Variants in SLC35F3 observed in about 807,000 individuals in gnomAD.
The protein encoded by SLC35F3 is putative thiamine transporter SLC35F3.
A neutral mutation model predicts 49.9 loss-of-function variants in SLC35F3; 25 were observed. The observed-to-expected ratio is 0.50, with a 90% CI of 0.37 to 0.70. The LOEUF is 0.70. Ranked by LOEUF, SLC35F3 falls within the 30% of genes least tolerant of loss-of-function variation. The pLI, the probability that SLC35F3 is intolerant of heterozygous loss-of-function variation, is 0.00. For missense variants in SLC35F3, 525 were observed against 639.8 expected (o/e 0.82, Z 1.94); for synonymous variants, 275 against 265.4 (o/e 1.04, Z -0.35).
intron 3 of SLC35F3, among the ~76,000 whole-genome samples, chr1:234,299,379 G>A (rs1031116872): frequency 7.9e-5 from 12 of 152,062 alleles, no homozygotes; most frequent in Non-Finnish European, 1.3e-4. Flanking sequence ...GAGTAAAGGG[G>A]GAAAAACAGA....
chr1:234,302,167 T>A (rs1668703124), intron 3 of SLC35F3, among the ~76,000 whole-genome samples: 1 of 150,914 alleles, frequency 6.6e-6, no homozygotes, highest in Non-Finnish European at 1.5e-5. Flanking sequence ...TTGTTGTTGT[T>A]GTTTTTTTTA....
At chr1:234,147,053 A>G (rs1194495152) in intron 2 of SLC35F3, among the ~76,000 whole-genome samples, 1 of 152,170 alleles carries the variant, frequency 6.6e-6, no homozygotes, top group Non-Finnish European at 1.5e-5. Flanking sequence ...GACTCCTGAT[A>G]TCATTTCATT....
rs1664299328 is a variant in SLC35F3, at chr1:234,046,918, G to A, written c.283+141160G>A. Among the ~76,000 whole-genome samples the A allele has an allele frequency of 6.6e-6, 1 of 152,024 alleles. No homozygotes were observed. The highest frequency in any genetic ancestry group is 1.5e-5 in the Non-Finnish European group (1 of 68,018). ...CTTTTACTATCCACTGAATCTCCCT[G>A]TAATTAAGTGCCACACAACCTTAGT... is the stretch of plus-strand genomic sequence containing the variant. On this transcript the variant is annotated intron_variant, in intron 2 of 7. Transcript: ENST00000366618. This position sits in a 1 kb window ranked among gnomAD's most constrained non-coding sequence, Gnocchi z 4.4.
At chr1:234,240,845 A>C (rs1425472569) in intron 3 of SLC35F3, among the ~76,000 whole-genome samples, 2 of 152,192 alleles carry the variant, frequency 1.3e-5, no homozygotes, top group Non-Finnish European at 2.9e-5. Flanking sequence ...AGGCTGTTGC[A>C]GGAGGAAGGA....
intron 2 of SLC35F3, among the ~76,000 whole-genome samples, chr1:234,197,376 G>A (rs915002260): frequency 7.9e-5 from 12 of 152,182 alleles, no homozygotes; most frequent in African/African-American, 2.7e-4. Context: ...ATTAGTGTTT[G>A]TTCAAGTCCT....
In SLC35F3 at chr1:233,962,995, T is replaced by C. The variant is rs193221719; in HGVS notation, c.283+57237T>C. Among the ~76,000 whole-genome samples, 4 of 152,342 alleles carry C rather than the reference T, an allele frequency of 2.6e-5. No individual in the cohort carries two copies. The East Asian group carries it at 7.7e-4, about 29-fold the overall frequency. ...CAGTGAATTTTGTGCATAGCTGCAA[T>C]CTCTTTCAACCATGATGGGGATGTG... On this transcript the variant is annotated intron_variant, in intron 2 of 7. Coordinates refer to ENST00000366618, the MANE Select transcript of SLC35F3 (RefSeq NM_173508.4).
intron 2 of SLC35F3, among the ~76,000 whole-genome samples, chr1:234,204,162 A>G (rs4920223): frequency 0.25 from 38,578 of 152,088 alleles, 7,767 homozygotes; most frequent in East Asian, 0.88. Flanking sequence ...AATAAAACTT[A>G]GATGAACATC....
chr1:234,267,651 C>T (rs1396253140), intron 3 of SLC35F3, among the ~76,000 whole-genome samples: 1 of 151,792 alleles, frequency 6.6e-6, no homozygotes, highest in East Asian at 1.9e-4. Flanking sequence ...CCCCACCTCC[C>T]TCCCGGACGG....
At chr1:234,040,989 TATG>T (rs1664211686) in intron 2 of SLC35F3, among the ~76,000 whole-genome samples, 1 of 152,226 alleles carries the variant, frequency 6.6e-6, no homozygotes, top group Non-Finnish European at 1.5e-5. Flanking sequence ...TAAGACGTGT[TATG>T]ATATGAATAA....
In SLC35F3 at chr1:234,307,843, G is replaced by A. The variant is rs112215613; in HGVS notation, c.609-1258G>A. Among the ~76,000 whole-genome samples, 536 of 152,146 alleles carry A rather than the reference G, an allele frequency of 3.5e-3. 7 individuals carry two copies. Among genetic ancestry groups the A allele is most frequent in the African/African-American group, 0.012 (510 of 41,502 alleles). On this transcript the variant is annotated intron_variant, in intron 3 of 7. Transcript: ENST00000366618. ...TGTCCATCTCCTTGCCTAGCTCATC[G>A]GGCCCAACCCAGCAATGATCTTCAC...
At position 234,319,060 on chromosome 1, in the gene SLC35F3, T is replaced by C; in HGVS notation, c.1147+117T>C. 4 of 848,038 alleles carry C rather than the reference T, an allele frequency of 4.7e-6. No homozygotes were observed. In the South Asian group the frequency reaches 7.0e-5, roughly 15 times the overall value. The allele number at this position is 848,038 out of a possible 1,614,324, so 52.5% of individuals were successfully genotyped here. A position where few individuals can be genotyped will look rare whatever the true frequency, so the allele number is the denominator to read the frequency against. ...CTCTTTGCTATTCTTTAGTTCTCAC[T>C]GGTTTTTAAGATCTTTCTGTTTCAC... is the stretch of plus-strand genomic sequence containing the variant. On this transcript the variant is annotated intron_variant, in intron 6 of 7. Transcript: ENST00000366618.
At chr1:233,968,875 T>C (rs1662944865) in intron 2 of SLC35F3, among the ~76,000 whole-genome samples, 1 of 152,220 alleles carries the variant, frequency 6.6e-6, no homozygotes. Flanking sequence ...TGATCATGTA[T>C]ACTTAATGTT....
At chr1:234,175,066 AT>A (rs1352587825) in intron 2 of SLC35F3, among the ~76,000 whole-genome samples, 1 of 152,166 alleles carries the variant, frequency 6.6e-6, no homozygotes, top group African/African-American at 2.4e-5. Context: ...TCTTCCGTGA[AT>A]TTTAGAATTT....
At chr1:234,227,870 C>A (rs1667312688) in intron 2 of SLC35F3, among the ~76,000 whole-genome samples, 1 of 152,158 alleles carries the variant, frequency 6.6e-6, no homozygotes, top group Non-Finnish European at 1.5e-5. Context: ...CTGTCTGAAA[C>A]CTGTTTGAGC....
intron 2 of SLC35F3, among the ~76,000 whole-genome samples, chr1:234,056,770 T>C (rs1025838651): frequency 1.8e-4 from 28 of 152,260 alleles, no homozygotes; most frequent in Admixed American, 3.9e-4. Context: ...TCCTTGTGTT[T>C]TCTTCTAACA....
intron 2 of SLC35F3, among the ~76,000 whole-genome samples, chr1:233,991,211 A>T (rs540057311): frequency 4.4e-4 from 67 of 152,272 alleles, no homozygotes; most frequent in African/African-American, 1.5e-3. Context: ...AGCAGAAGGG[A>T]GTGAAGACAG....
At chr1:234,086,705 C>A (rs756794130) in intron 2 of SLC35F3, among the ~76,000 whole-genome samples, 1 of 152,160 alleles carries the variant, frequency 6.6e-6, no homozygotes, top group African/African-American at 2.4e-5. Context: ...CCTACCCTAG[C>A]TAGAGAGTGG....
intron 2 of SLC35F3, among the ~76,000 whole-genome samples, chr1:234,100,694 A>G: frequency 6.6e-6 from 1 of 152,250 alleles, no homozygotes; most frequent in East Asian, 1.9e-4. Flanking sequence ...GAGGGAGACT[A>G]AAAGGAATAG....
chr1:234,008,722 A>AT (rs1663668776), intron 2 of SLC35F3, among the ~76,000 whole-genome samples: 1 of 152,144 alleles, frequency 6.6e-6, no homozygotes, highest in Non-Finnish European at 1.5e-5. Context: ...ATCTTTGCTC[A>AT]TTCCTGTTTG....
Sources: gnomAD v4.1 joint callset for allele counts (sites outside exome capture counted in the v4.1 genomes callset) on GRCh38, gnomAD v4.1.1 for gene constraint, Gnocchi (gnomAD v3.1) non-coding constraint, MANE v1.5 for transcripts, NCBI Gene and HGNC (gene_info 2026-07-23, HGNC 2026-07-21) for gene names.